Variants in KSR2 observed in about 807,000 individuals in gnomAD.
KSR2 encodes kinase suppressor of ras 2.
KSR2 carries 25 observed loss-of-function variants against 107.8 expected under a neutral mutation model. The ratio of observed to expected loss-of-function variants is 0.23; its 90% CI spans 0.17 to 0.32. KSR2 has a LOEUF of 0.32. Ranked by LOEUF, KSR2 falls within the 10% of genes least tolerant of loss-of-function variation. The probability of loss-of-function intolerance (pLI) is 1.00; values close to 1 mark genes in which losing one functional copy is unlikely to be tolerated. For synonymous variants in KSR2, 480 were observed against 507.0 expected (o/e 0.95, Z 0.71); for missense variants, 887 against 1,268.9 (o/e 0.70, Z 4.57).
intron 1 of KSR2, among the ~76,000 whole-genome samples, chr12:117,940,811 C>G (rs1048982421): frequency 1.3e-5 from 2 of 152,056 alleles, no homozygotes; most frequent in Admixed American, 1.3e-4. Flanking sequence ...TTGAGCCAGG[C>G]GCAGTGGCTC....
At chr12:117,643,168 C>T (rs1310555544) in intron 5 of KSR2, among the ~76,000 whole-genome samples, 2 of 152,178 alleles carry the variant, frequency 1.3e-5, no homozygotes, top group Non-Finnish European at 2.9e-5. Context: ...CAGCCGGGCA[C>T]GGTGACTCAC....
intron 3 of KSR2, among the ~76,000 whole-genome samples, chr12:117,852,283 C>T (rs987612611): frequency 2.0e-5 from 3 of 149,960 alleles, no homozygotes; most frequent in African/African-American, 7.3e-5. Context: ...AAAAAACTAG[C>T]TGGGCGTGGT....
At chr12:117,936,046 T>C (rs1396044757) in intron 1 of KSR2, among the ~76,000 whole-genome samples, 1 of 152,126 alleles carries the variant, frequency 6.6e-6, no homozygotes, top group East Asian at 1.9e-4. Context: ...TATTGAACTT[T>C]TTTTTTTTGA....
chr12:117,785,001 T>C (rs903278505), intron 3 of KSR2, among the ~76,000 whole-genome samples: 1 of 152,068 alleles, frequency 6.6e-6, no homozygotes, highest in African/African-American at 2.4e-5. Flanking sequence ...AAACCAAAAA[T>C]CAATATTCTC....
chr12:117,801,269 A>ACCATGCC (rs1315850048), intron 3 of KSR2, among the ~76,000 whole-genome samples: 1 of 147,550 alleles, frequency 6.8e-6, no homozygotes, highest in Non-Finnish European at 1.5e-5. Flanking sequence ...GGCATCTGCC[A>ACCATGCC]CCATGCCCGG....
intron 7 of KSR2, among the ~76,000 whole-genome samples, chr12:117,568,057 A>ACAT (rs1878641260): frequency 6.6e-6 from 1 of 152,214 alleles, no homozygotes; most frequent in East Asian, 1.9e-4. Flanking sequence ...GGAAGTATTG[A>ACAT]CATATAAATC....
intron 3 of KSR2, among the ~76,000 whole-genome samples, chr12:117,774,210 G>A (rs1468950891): frequency 6.6e-6 from 1 of 152,142 alleles, no homozygotes; most frequent in African/African-American, 2.4e-5. Flanking sequence ...AAGTCAAATA[G>A]GACATTCATT....
chr12:117,627,651 AC>A (rs1309403089), intron 5 of KSR2, among the ~76,000 whole-genome samples: 1 of 150,950 alleles, frequency 6.6e-6, no homozygotes, highest in East Asian at 1.9e-4. Flanking sequence ...CTTCATTTCA[AC>A]CTTGGTGAAT....
chr12:117,648,903 C>CA (rs1239832077), intron 5 of KSR2, among the ~76,000 whole-genome samples: 3 of 152,150 alleles, frequency 2.0e-5, no homozygotes, highest in Non-Finnish European at 2.9e-5. Flanking sequence ...AACACACACC[C>CA]AAAAACATGC....
At position 117,887,817 on chromosome 12, in the gene KSR2, A is replaced by T. The variant is rs553796300; in HGVS notation, c.181-27386T>A. On this transcript the variant is annotated intron_variant, in intron 1 of 19. Coordinates refer to ENST00000339824, the MANE Select transcript of KSR2 (RefSeq NM_173598.6). ...CATTAAAAAATAAAAATAAAAAAAA[A>T]TTTTAAAAAACTCTCCTCCACTGGC... Among the ~76,000 whole-genome samples, 3 of 152,248 alleles carry T rather than the reference A, an allele frequency of 2.0e-5. No individual in the cohort carries two copies. In the East Asian group the frequency reaches 5.8e-4, roughly 29 times the overall value.
chr12:117,914,922 G>A (rs1895132108), intron 1 of KSR2, among the ~76,000 whole-genome samples: 1 of 152,198 alleles, frequency 6.6e-6, no homozygotes, highest in East Asian at 1.9e-4. Context: ...ATGAAAGACT[G>A]TAGGGAGCAG....
At chr12:117,658,248 T>C (rs185011823) in intron 5 of KSR2, among the ~76,000 whole-genome samples, 2 of 152,362 alleles carry the variant, frequency 1.3e-5, no homozygotes, top group East Asian at 3.9e-4. Context: ...TTATCTTAAT[T>C]GGGGTTGAGA....
rs1871188055 is a variant in KSR2 at position 117,467,183 on chromosome 12, T to C, written c.*16A>G. The C allele has an allele frequency of 1.4e-6, 1 of 718,978 alleles. No homozygotes were observed. The highest frequency in any genetic ancestry group is 1.8e-5 in the African/African-American group (1 of 55,350). The allele number at this position is 718,978 out of a possible 1,614,324, so 44.5% of individuals were successfully genotyped here. ...CGGGAGCCCAGGCAGCTGGGCGCCGTCCCGATGTCCAAAGGTCACAGCCTG... is the reference window on the plus strand; with the variant it reads ...CGGGAGCCCAGGCAGCTGGGCGCCGCCCCGATGTCCAAAGGTCACAGCCTG... On this transcript the variant is annotated 3_prime_UTR_variant, in exon 20 of 20. Coordinates refer to ENST00000339824, the MANE Select transcript of KSR2 (RefSeq NM_173598.6).
At chr12:117,763,782 A>T (rs1035067297) in intron 3 of KSR2, among the ~76,000 whole-genome samples, 1 of 152,130 alleles carries the variant, frequency 6.6e-6, no homozygotes, top group African/African-American at 2.4e-5. Context: ...CTGCGGGGAA[A>T]ACTAGAGCCC....
At chr12:117,961,536 T>A (rs1896655557) in intron 1 of KSR2, among the ~76,000 whole-genome samples, 1 of 152,054 alleles carries the variant, frequency 6.6e-6, no homozygotes, top group African/African-American at 2.4e-5. Flanking sequence ...GATTTCCAAA[T>A]ACCAAGACTC....
At chr12:117,793,122 A>G (rs369258262) in intron 3 of KSR2, among the ~76,000 whole-genome samples, 3 of 145,428 alleles carry the variant, frequency 2.1e-5, no homozygotes, top group Non-Finnish European at 3.0e-5. Flanking sequence ...GCACACAAAC[A>G]TGCACACACA....
chr12:117,800,728 G>C lies in KSR2; in HGVS notation c.473-39204C>G, dbSNP rs148912424. The stretch of plus-strand genomic sequence containing the variant: ...TAAGCCCCACGTGCATTAGGTATTT[G>C]TCCTAATGCTCTCCCTCCCCTTTTC... On this transcript the variant is annotated intron_variant, in intron 3 of 19. Transcript: ENST00000339824. Among the ~76,000 whole-genome samples, 840 of 152,082 alleles carry C rather than the reference G, an allele frequency of 5.5e-3. 5 individuals are homozygous for C. The highest frequency in any genetic ancestry group is 0.019 in the African/African-American group (781 of 41,468).
intron 3 of KSR2, among the ~76,000 whole-genome samples, chr12:117,811,466 G>A (rs1387276725): frequency 6.6e-6 from 1 of 152,228 alleles, no homozygotes; most frequent in Non-Finnish European, 1.5e-5. Context: ...GACATATGGA[G>A]TCAGAAATTC....
chr12:117,789,087 C>A (rs1890174152), intron 3 of KSR2, among the ~76,000 whole-genome samples: 1 of 152,210 alleles, frequency 6.6e-6, no homozygotes, highest in African/African-American at 2.4e-5. Context: ...TCTCACTTTG[C>A]AATTTGTCTA....
Sources: allele counts gnomAD v4.1 joint callset (sites outside exome capture counted in the v4.1 genomes callset), GRCh38; gene constraint gnomAD v4.1.1; transcripts MANE v1.5; gene names NCBI Gene and HGNC (gene_info 2026-07-23, HGNC 2026-07-21).